Variants in CSMD1 observed in about 807,000 individuals in gnomAD.
The protein encoded by CSMD1 is CUB and Sushi multiple domains 1, also known as CUB and sushi domain-containing protein 1.
In CSMD1, 213 loss-of-function variants were observed where a neutral mutation model predicts 417.5. The observed-to-expected ratio is 0.51, with a 90% confidence interval of 0.46 to 0.57. The LOEUF (loss-of-function observed/expected upper bound fraction) is 0.57, where lower values mean the gene tolerates loss of function less well. Ranked by LOEUF, CSMD1 falls within the 20% of genes least tolerant of loss-of-function variation. The pLI, the probability that CSMD1 is intolerant of heterozygous loss-of-function variation, is 0.00. For missense variants in CSMD1, 6,923 were observed against 4,529.7 expected, an observed-to-expected ratio of 1.53 and a Z score of -15.17; for synonymous variants, 2,862 against 1,736.8, an observed-to-expected ratio of 1.65 and a Z score of -16.11.
At chr8:3,372,864 G>A (rs1038787432) in intron 18 of CSMD1, among the ~76,000 whole-genome samples, 3 of 152,170 alleles carry the variant, frequency 2.0e-5, no homozygotes, top group Non-Finnish European at 2.9e-5. Flanking sequence ...GTAGAAATAA[G>A]CTTCCATAGA....
intron 1 of CSMD1, among the ~76,000 whole-genome samples, chr8:4,719,411 T>C (rs1285801108): frequency 1.3e-5 from 2 of 152,340 alleles, no homozygotes; most frequent in Non-Finnish European, 2.9e-5. Flanking sequence ...TAATTCTCTG[T>C]TGCATTAAAA....
At chr8:3,729,719 C>T (rs935593269) in intron 6 of CSMD1, among the ~76,000 whole-genome samples, 1 of 151,950 alleles carries the variant, frequency 6.6e-6, no homozygotes, top group Non-Finnish European at 1.5e-5. Flanking sequence ...CCTATCACTT[C>T]CACCAAAGCT....
intron 2 of CSMD1, among the ~76,000 whole-genome samples, chr8:4,468,152 TC>T (rs1157518703): frequency 1.1e-4 from 17 of 152,178 alleles, no homozygotes; most frequent in Non-Finnish European, 2.5e-4. Flanking sequence ...CCTACAGCTC[TC>T]TATTTTCTGT....
At chr8:3,248,886 G>C (rs1011830547) in intron 26 of CSMD1, among the ~76,000 whole-genome samples, 9 of 151,814 alleles carry the variant, frequency 5.9e-5, no homozygotes, top group African/African-American at 1.9e-4. Context: ...CTTGATTCCC[G>C]CAGCTCTATG....
chr8:3,470,048 T>C (rs1312104243), intron 11 of CSMD1, among the ~76,000 whole-genome samples: 2 of 152,180 alleles, frequency 1.3e-5, no homozygotes, highest in South Asian at 2.1e-4. Context: ...CTATGAATTT[T>C]TACAAAGTGA....
At chr8:4,051,295 A>T (rs1798411277) in intron 3 of CSMD1, among the ~76,000 whole-genome samples, 3 of 123,286 alleles carry the variant, frequency 2.4e-5, no homozygotes, top group Admixed American at 1.7e-4. Context: ...AGCTCATCTA[A>T]GTTTTGAAGA....
intron 2 of CSMD1, among the ~76,000 whole-genome samples, chr8:4,629,948 CCAACCG>C (rs1802406977): frequency 6.6e-6 from 1 of 152,070 alleles, no homozygotes. Context: ...TTCTCTCTAG[CCAACCG>C]CAATATTTGA....
intron 52 of CSMD1, among the ~76,000 whole-genome samples, chr8:3,006,524 A>C (rs1390411777): frequency 6.6e-6 from 1 of 152,118 alleles, no homozygotes; most frequent in Non-Finnish European, 1.5e-5. Flanking sequence ...TTCAAACTAT[A>C]CTACAAGGCT....
At position 3,754,008 on chromosome 8, in the gene CSMD1, T is replaced by A; in HGVS notation, c.853A>T (p.Ser285Cys). Residue 285 changes from serine to cysteine, a missense_variant, in exon 6 of 70, where the codon AGT becomes TGT. Ser to Cys is a moderately radical substitution (Grantham distance 112). Coordinates refer to ENST00000635120, the MANE Select transcript of CSMD1 (RefSeq NM_033225.6). ...TGGAGTCGTAGCCAATTCTTGCTACTGATAACTGGAGAGGGGAGGTTCATG... is the reference window on the plus strand; with the variant it reads ...TGGAGTCGTAGCCAATTCTTGCTACAGATAACTGGAGAGGGGAGGTTCATG... ...TGMNLPSPVI[S>C]SKNWLRLHFT... 6.2e-7 allele frequency: 1 copy of A among 1,613,234 alleles called. No homozygotes were observed. The highest frequency in any genetic ancestry group is 8.5e-7 in the Non-Finnish European group (1 of 1,179,370).
At chr8:3,446,107 T>C (rs1815289108) in intron 12 of CSMD1, among the ~76,000 whole-genome samples, 1 of 152,072 alleles carries the variant, frequency 6.6e-6, no homozygotes, top group East Asian at 1.9e-4. Flanking sequence ...TAAAAACTAA[T>C]TTGAGAAGTT....
intron 5 of CSMD1, among the ~76,000 whole-genome samples, chr8:3,855,785 C>T (rs962070690): frequency 6.6e-6 from 1 of 152,134 alleles, no homozygotes; most frequent in Non-Finnish European, 1.5e-5. Flanking sequence ...TGAGTAAAGA[C>T]AAGCTTTCTG....
At chr8:3,223,484 G>A (rs1309275752) in intron 28 of CSMD1, among the ~76,000 whole-genome samples, 1 of 152,006 alleles carries the variant, frequency 6.6e-6, no homozygotes, top group Non-Finnish European at 1.5e-5. Context: ...TCTCATATGG[G>A]ACACATTGTG....
At chr8:4,341,328 A>C (rs1800465177) in intron 3 of CSMD1, among the ~76,000 whole-genome samples, 1 of 152,134 alleles carries the variant, frequency 6.6e-6, no homozygotes, top group Non-Finnish European at 1.5e-5. Context: ...TCACTAGGTA[A>C]AAGTTTTTCA....
intron 3 of CSMD1, among the ~76,000 whole-genome samples, chr8:4,332,908 G>C (rs965920874): frequency 6.7e-6 from 1 of 149,962 alleles, no homozygotes; most frequent in Non-Finnish European, 1.5e-5. Flanking sequence ...ACTTGAAAAG[G>C]GTACTTTACT....
At chr8:3,459,493 G>C (rs748989606) in intron 12 of CSMD1, among the ~76,000 whole-genome samples, 1 of 152,140 alleles carries the variant, frequency 6.6e-6, no homozygotes, top group African/African-American at 2.4e-5. Flanking sequence ...TGATCTCCAC[G>C]CATGCGGCAG....
At chr8:3,785,730 G>T (rs1011676577) in intron 5 of CSMD1, among the ~76,000 whole-genome samples, 20 of 152,236 alleles carry the variant, frequency 1.3e-4, no homozygotes, top group African/African-American at 4.8e-4. Context: ...GAGGCCCAGG[G>T]TGCGGGGAGC....
chr8:4,194,865 AT>A (rs1799238745), intron 3 of CSMD1, among the ~76,000 whole-genome samples: 1 of 152,086 alleles, frequency 6.6e-6, no homozygotes, highest in South Asian at 2.1e-4. Context: ...TATTATACCC[AT>A]TTTCATTGGT....
chr8:3,611,763 A>G (rs1801905333), intron 8 of CSMD1, among the ~76,000 whole-genome samples: 1 of 152,146 alleles, frequency 6.6e-6, no homozygotes, highest in Non-Finnish European at 1.5e-5. Context: ...TAAATATTTG[A>G]AAGAACTCAT....
chr8:3,058,694 G>A (rs1414281205), intron 49 of CSMD1, among the ~76,000 whole-genome samples: 2 of 151,934 alleles, frequency 1.3e-5, no homozygotes, highest in African/African-American at 4.8e-5. Flanking sequence ...GGGGGAGGGG[G>A]AGATTTGAGA....
Sources: gnomAD v4.1 joint callset for allele counts (sites outside exome capture counted in the v4.1 genomes callset) on GRCh38, gnomAD v4.1.1 for gene constraint, MANE v1.5 for transcripts, NCBI Gene and HGNC (gene_info 2026-07-23, HGNC 2026-07-21) for gene names.